The following PRKG1 variants were observed in gnomAD, a reference collection of about 807,000 sequenced individuals.
PRKG1 encodes the protein protein kinase cGMP-dependent 1.
A neutral mutation model predicts 88.1 loss-of-function variants in PRKG1; 35 were observed. The ratio of observed to expected loss-of-function variants is 0.40; its 90% confidence interval spans 0.30 to 0.53. The LOEUF is 0.53. PRKG1 is among the 20% of genes least tolerant of loss of function. The probability of loss-of-function intolerance (pLI) is 0.59; values close to 1 mark genes in which losing one functional copy is unlikely to be tolerated. For synonymous variants in PRKG1, 303 were observed against 292.5 expected (o/e 1.04, Z -0.37); for missense variants, 540 against 839.8 (o/e 0.64, Z 4.41).
chr10:51,202,416 C>T (rs1044004414), intron 2 of PRKG1, among the ~76,000 whole-genome samples: 6 of 152,162 alleles, frequency 3.9e-5, no homozygotes, highest in East Asian at 1.9e-4. Context: ...TATCCTCCAC[C>T]GTTCTATCCT....
chr10:51,621,009 G>GTGTATATATATATATATATA (rs890337361), intron 3 of PRKG1, among the ~76,000 whole-genome samples: 1 of 121,902 alleles, frequency 8.2e-6, no homozygotes, highest in Non-Finnish European at 1.7e-5. Flanking sequence ...GTATATGTGT[G>GTGTATATATATATATATATA]TATATATATA....
At position 51,142,741 on chromosome 10, in the gene PRKG1, G is replaced by A. The variant is rs1363562191; in HGVS notation, c.312-10423G>A. Among the ~76,000 whole-genome samples, 3 of 152,052 alleles carry A rather than the reference G, an allele frequency of 2.0e-5. No homozygotes were observed. In the South Asian group the frequency reaches 6.2e-4, roughly 32 times the overall value. ...AAATAAGGTTCTACCTACTGCATAG[G>A]TCTGTGGCAATAATACAATGAAACG... On this transcript the variant is annotated intron_variant, in intron 1 of 17. Transcript: ENST00000373980.
At chr10:51,985,405 T>G (rs1201235480) in intron 5 of PRKG1, among the ~76,000 whole-genome samples, 1 of 152,132 alleles carries the variant, frequency 6.6e-6, no homozygotes, top group African/African-American at 2.4e-5. Context: ...TTAATTTAAG[T>G]GTCAAAAAAT....
intron 3 of PRKG1, among the ~76,000 whole-genome samples, chr10:51,683,592 AT>A (rs901367950): frequency 2.0e-5 from 3 of 152,094 alleles, no homozygotes; most frequent in African/African-American, 7.2e-5. Flanking sequence ...GGGTAATGAG[AT>A]GTGATCTGAT....
At chr10:51,947,321 G>T (rs113056997) in intron 5 of PRKG1, among the ~76,000 whole-genome samples, 3 of 151,972 alleles carry the variant, frequency 2.0e-5, no homozygotes, top group Non-Finnish European at 4.4e-5. Flanking sequence ...TCAGAAAAGC[G>T]CAGTATTGGG....
chr10:51,798,891 G>A (rs1199039842), intron 3 of PRKG1, among the ~76,000 whole-genome samples: 1 of 151,998 alleles, frequency 6.6e-6, no homozygotes. Flanking sequence ...TATGAATGCA[G>A]CATTCATTAT....
chr10:51,649,993 C>T lies in PRKG1; in HGVS notation c.593-154592C>T, dbSNP rs139414912. On this transcript the variant is annotated intron_variant, in intron 3 of 17. Transcript: ENST00000373980. ...AAGAGTCCTGTGAGACTACGTAGGT[C>T]TCTTGCCTATGGTGCCGGCCCGAGA... Among the ~76,000 whole-genome samples, 7 of 152,286 alleles carry T rather than the reference C, an allele frequency of 4.6e-5. No individual in the cohort carries two copies. In the East Asian group the frequency reaches 1.4e-3, roughly 29 times the overall value.
chr10:51,943,456 G>C (rs1182545409), intron 5 of PRKG1, among the ~76,000 whole-genome samples: 1 of 151,958 alleles, frequency 6.6e-6, no homozygotes, highest in Non-Finnish European at 1.5e-5. Context: ...TCCTTCTCCT[G>C]CCTAATTGCC....
chr10:51,137,241 G>T (rs1459052049), intron 1 of PRKG1, among the ~76,000 whole-genome samples: 1 of 152,130 alleles, frequency 6.6e-6, no homozygotes, highest in Non-Finnish European at 1.5e-5. Context: ...TGGGGGCAGG[G>T]TGGGGGGCAG....
chr10:51,686,682 G>A (rs1009938305), intron 3 of PRKG1, among the ~76,000 whole-genome samples: 3 of 152,156 alleles, frequency 2.0e-5, no homozygotes, highest in African/African-American at 2.4e-5. Flanking sequence ...AATGCAAGTA[G>A]TCTGAACACA....
intron 2 of PRKG1, among the ~76,000 whole-genome samples, chr10:51,315,928 T>TTTTAATTTA (rs1841305764): frequency 6.6e-6 from 1 of 152,202 alleles, no homozygotes; most frequent in Non-Finnish European, 1.5e-5. Context: ...AGCCTGTTTA[T>TTTTAATTTA]ATCACATTTA....
At chr10:51,416,196 A>G (rs1406569405) in intron 2 of PRKG1, among the ~76,000 whole-genome samples, 2 of 152,106 alleles carry the variant, frequency 1.3e-5, no homozygotes, top group Non-Finnish European at 2.9e-5. Context: ...CCAGAAAAAA[A>G]TTGTCTTTCT....
At chr10:52,141,550 G>A (rs1381128830) in intron 8 of PRKG1, among the ~76,000 whole-genome samples, 2 of 151,964 alleles carry the variant, frequency 1.3e-5, no homozygotes, top group East Asian at 3.9e-4. Context: ...GGGTTTAAAG[G>A]CAAATATTTA....
At chr10:52,249,892 G>A (rs988393583) in intron 9 of PRKG1, among the ~76,000 whole-genome samples, 1 of 152,082 alleles carries the variant, frequency 6.6e-6, no homozygotes, top group Admixed American at 6.6e-5. Flanking sequence ...TTGCACCTGA[G>A]ATTTCTAAAT....
At chr10:51,504,073 T>C (rs763355960) in intron 3 of PRKG1, among the ~76,000 whole-genome samples, 4 of 152,144 alleles carry the variant, frequency 2.6e-5, no homozygotes, top group Non-Finnish European at 4.4e-5. Flanking sequence ...TGCTTTCTTA[T>C]AAAGCGGAGC....
At chr10:51,163,836 C>T (rs1302784159) in intron 2 of PRKG1, among the ~76,000 whole-genome samples, 2 of 152,208 alleles carry the variant, frequency 1.3e-5, no homozygotes, top group African/African-American at 2.4e-5. Flanking sequence ...CGCAGCGAGG[C>T]TGGGGGAGGG....
chr10:52,073,612 C>A (rs1011490360), intron 7 of PRKG1, among the ~76,000 whole-genome samples: 1 of 152,096 alleles, frequency 6.6e-6, no homozygotes, highest in Non-Finnish European at 1.5e-5. Flanking sequence ...GCTGAACTTA[C>A]AACAATCTCC....
Position 52,256,938 on chromosome 10 carries a change from C to T in PRKG1, c.1173+5272C>T, listed in dbSNP as rs974326500. Reference sequence around the variant, plus strand: ...CTGAAGTAGCCTGCTTTTATTCATCCATTTCACTTCTAAATTGTGAAGCCC... The same window carrying T: ...CTGAAGTAGCCTGCTTTTATTCATCTATTTCACTTCTAAATTGTGAAGCCC... On this transcript the variant is annotated intron_variant, in intron 10 of 17. Transcript: ENST00000373980. Among the ~76,000 whole-genome samples, 4 of 139,112 alleles carry T rather than the reference C, an allele frequency of 2.9e-5. 1 individual carries two copies. Among genetic ancestry groups the T allele is most frequent in the African/African-American group, 9.9e-5 (4 of 40,216 alleles). The allele number at this position is 139,112 out of a possible 152,430, so 91.3% of individuals were successfully genotyped here. A position where few individuals can be genotyped will look rare whatever the true frequency, so the allele number is the denominator to read the frequency against.
In PRKG1 at chr10:51,649,986, C is replaced by A. The variant is rs146261058; in HGVS notation, c.593-154599C>A. Among the ~76,000 whole-genome samples, 16 of 152,294 alleles carry A rather than the reference C, an allele frequency of 1.1e-4. No homozygotes were observed. The East Asian group carries it at 2.3e-3, about 22-fold the overall frequency. On this transcript the variant is annotated intron_variant, in intron 3 of 17. Transcript: ENST00000373980. Reference sequence around the variant, plus strand: ...TTTAGTGAAGAGTCCTGTGAGACTACGTAGGTCTCTTGCCTATGGTGCCGG... The same window carrying A: ...TTTAGTGAAGAGTCCTGTGAGACTAAGTAGGTCTCTTGCCTATGGTGCCGG...
Sources: gnomAD v4.1 joint callset for allele counts (sites outside exome capture counted in the v4.1 genomes callset) on GRCh38, gnomAD v4.1.1 for gene constraint, MANE v1.5 for transcripts, NCBI Gene and HGNC (gene_info 2026-07-23, HGNC 2026-07-21) for gene names.